The following THSD4 variants were observed in gnomAD, a reference collection of about 807,000 sequenced individuals.
THSD4 encodes thrombospondin type-1 domain-containing protein 4.
A neutral mutation model predicts 119.0 loss-of-function variants in THSD4; 69 were observed. The ratio of observed to expected loss-of-function variants is 0.58; its 90% confidence interval spans 0.48 to 0.71. The LOEUF (loss-of-function observed/expected upper bound fraction) is 0.71. Ranked by LOEUF, THSD4 falls within the 30% of genes least tolerant of loss-of-function variation. The pLI, the probability that THSD4 is intolerant of heterozygous loss-of-function variation, is 0.00. For missense variants in THSD4, 1,393 were observed against 1,391.1 expected, an observed-to-expected ratio of 1.00 and a Z score of -0.02; for synonymous variants, 524 against 540.4, an observed-to-expected ratio of 0.97 and a Z score of 0.42.
At position 71,115,737 on chromosome 15, in the gene THSD4, C is replaced by G. The variant is rs2040354245; in HGVS notation, c.-80+39C>G. ...CGCGCCCCGCGTCCCCTGCGCGCCG[C>G]CCGCGCGGCCCCGACCCGGCTTCCG... On this transcript the variant is annotated intron_variant, in intron 1 of 17. Coordinates refer to ENST00000261862, the MANE Select transcript of THSD4 (RefSeq NM_024817.3). This position sits in a 1 kb window ranked among gnomAD's most constrained non-coding sequence, Gnocchi z 4.4. 6.8e-6 allele frequency: 1 copy of G among 148,016 alleles called. No homozygotes were observed. Among genetic ancestry groups the G allele is most frequent in the Non-Finnish European group, 1.5e-5 (1 of 66,458 alleles). The allele number at this position is 148,016 out of a possible 1,614,324, so 9.2% of individuals were successfully genotyped here.
At chr15:71,504,039 G>T (rs533307322) in intron 7 of THSD4, among the ~76,000 whole-genome samples, 43 of 152,312 alleles carry the variant, frequency 2.8e-4, no homozygotes, top group African/African-American at 1.0e-3. Context: ...GCATAGCATG[G>T]TCCTAGCTTG....
intron 8 of THSD4, among the ~76,000 whole-genome samples, chr15:71,686,573 T>C (rs2051914624): frequency 6.6e-6 from 1 of 152,134 alleles, no homozygotes; most frequent in Admixed American, 6.5e-5. Flanking sequence ...AGTAATGACA[T>C]GACGTTTCAC....
chr15:71,592,675 T>A (rs1056496941), intron 7 of THSD4, among the ~76,000 whole-genome samples: 1 of 152,034 alleles, frequency 6.6e-6, no homozygotes, highest in African/African-American at 2.4e-5. Context: ...AGAATGCATT[T>A]TGTGGGAAAA....
chr15:71,768,277 C>CAAAAAAAAACA (rs2053750294), intron 16 of THSD4, among the ~76,000 whole-genome samples: 5 of 49,334 alleles, frequency 1.0e-4, no homozygotes, highest in African/African-American at 2.0e-4. Context: ...CAAAAAAAAC[C>CAAAAAAAAACA]AAAAAAAAAC....
chr15:71,710,392 G>A (rs2052485556), intron 8 of THSD4, among the ~76,000 whole-genome samples: 1 of 152,164 alleles, frequency 6.6e-6, no homozygotes, highest in Admixed American at 6.5e-5. Flanking sequence ...TCTGTAGTTG[G>A]AATCTTGATT....
chr15:71,396,602 G>A (rs1033733649), intron 6 of THSD4, among the ~76,000 whole-genome samples: 18 of 152,070 alleles, frequency 1.2e-4, no homozygotes, highest in Admixed American at 1.0e-3. Flanking sequence ...ACATATATCC[G>A]CTCAGATAGT....
rs772703547 is a variant in THSD4 at position 71,754,240 on chromosome 15, C to G, written c.2416-3662C>G. On this transcript the variant is annotated intron_variant, in intron 14 of 17. Coordinates refer to ENST00000261862, the MANE Select transcript of THSD4 (RefSeq NM_024817.3). Reference sequence around the variant, plus strand: ...AAGTAGCTGGAATTACAGGTGCACACCATCATGCCCAGTTAATTTTTGTAT... The same window carrying G: ...AAGTAGCTGGAATTACAGGTGCACAGCATCATGCCCAGTTAATTTTTGTAT... Among the ~76,000 whole-genome samples the G allele has an allele frequency of 3.8e-4, 58 of 152,142 alleles. 1 individual carries two copies. The highest frequency in any genetic ancestry group is 1.2e-3 in the South Asian group (6 of 4,818).
intron 1 of THSD4, among the ~76,000 whole-genome samples, chr15:71,130,961 G>A (rs1857744845): frequency 6.6e-6 from 1 of 151,844 alleles, no homozygotes; most frequent in Admixed American, 6.6e-5. Flanking sequence ...AGCCAGGATG[G>A]TCTCAATCTC....
chr15:71,662,970 C>T (rs911045812), intron 8 of THSD4, among the ~76,000 whole-genome samples: 5 of 151,882 alleles, frequency 3.3e-5, no homozygotes, highest in Non-Finnish European at 5.9e-5. Flanking sequence ...CAGTGAGGGG[C>T]GGGCAGGGAG....
intron 7 of THSD4, chr15:71,547,138 T>A: frequency 8.7e-7 from 1 of 1,146,106 alleles, no homozygotes. Flanking sequence ...CTTTCTGCTT[T>A]CTGTTAAAGG....
At chr15:71,699,238 A>G (rs1595873652) in intron 8 of THSD4, among the ~76,000 whole-genome samples, 2 of 84,652 alleles carry the variant, frequency 2.4e-5, no homozygotes, top group Non-Finnish European at 2.0e-5. Flanking sequence ...TTTGAGACGG[A>G]GTCTCGCTCT....
chr15:71,386,790 T>C (rs1236129307), intron 6 of THSD4, among the ~76,000 whole-genome samples: 1 of 152,192 alleles, frequency 6.6e-6, no homozygotes, highest in Non-Finnish European at 1.5e-5. Context: ...AAAGAAACTT[T>C]AAGTGTTACC....
chr15:71,333,545 T>C (rs929583064), intron 6 of THSD4, among the ~76,000 whole-genome samples: 1 of 152,194 alleles, frequency 6.6e-6, no homozygotes, highest in African/African-American at 2.4e-5. Context: ...GCATCTATAA[T>C]TTTGGAGATT....
rs566999146 is a variant in THSD4, at chr15:71,780,896, T to C, written c.*3522T>C. On this transcript the variant is annotated 3_prime_UTR_variant, in exon 18 of 18. Coordinates refer to ENST00000261862, the MANE Select transcript of THSD4 (RefSeq NM_024817.3). ...AGCTTGGTGTATTTTCATCAAGTTATGTGGCAGAGAAATCCAGATATTACC... is the reference window on the plus strand; with the variant it reads ...AGCTTGGTGTATTTTCATCAAGTTACGTGGCAGAGAAATCCAGATATTACC... 5 of 428,462 alleles carry C rather than the reference T, an allele frequency of 1.2e-5. No individual in the cohort carries two copies. Among genetic ancestry groups the C allele is most frequent in the South Asian group, 8.1e-5 (5 of 61,358 alleles). 26.5% of individuals were successfully genotyped at this position (428,462 alleles called of 1,614,324 possible).
At chr15:71,525,087 G>A (rs1157568383) in intron 7 of THSD4, among the ~76,000 whole-genome samples, 1 of 151,638 alleles carries the variant, frequency 6.6e-6, no homozygotes, top group Non-Finnish European at 1.5e-5. Context: ...GAGAAATGTA[G>A]CCATCAATTT....
At chr15:71,313,663 A>G (rs1215914368) in intron 6 of THSD4, among the ~76,000 whole-genome samples, 2 of 151,960 alleles carry the variant, frequency 1.3e-5, no homozygotes, top group African/African-American at 2.4e-5. Context: ...AGGGAAGGAG[A>G]GACTCTTTTC....
At chr15:71,337,597 A>G (rs991535918) in intron 6 of THSD4, among the ~76,000 whole-genome samples, 7 of 152,216 alleles carry the variant, frequency 4.6e-5, no homozygotes, top group African/African-American at 1.4e-4. Context: ...AGAGGCTTGG[A>G]CATTCTGGCC....
At chr15:71,707,966 T>G (rs1462602255) in intron 8 of THSD4, among the ~76,000 whole-genome samples, 1 of 152,224 alleles carries the variant, frequency 6.6e-6, no homozygotes, top group Non-Finnish European at 1.5e-5. Context: ...AAATCCAGTT[T>G]GCTCTGGTTT....
chr15:71,778,145 C>T lies in THSD4; in HGVS notation c.*771C>T, dbSNP rs1225948343. The T allele has an allele frequency of 2.0e-5, 3 of 152,212 alleles. No homozygotes were observed. The highest frequency in any genetic ancestry group is 2.9e-5 in the Non-Finnish European group (2 of 68,064). 9.4% of individuals were successfully genotyped at this position (152,212 alleles called of 1,614,324 possible). A position where few individuals can be genotyped will look rare whatever the true frequency, so the allele number is the denominator to read the frequency against. Reference sequence around the variant, plus strand: ...CATCTACCAGTATCCAGCCTGGGGCCTGTACTTAGATGTGAAAGGTGCTGC... The same window carrying T: ...CATCTACCAGTATCCAGCCTGGGGCTTGTACTTAGATGTGAAAGGTGCTGC... On this transcript the variant is annotated 3_prime_UTR_variant, in exon 18 of 18. Coordinates refer to ENST00000261862, the MANE Select transcript of THSD4 (RefSeq NM_024817.3).
Sources: allele counts gnomAD v4.1 joint callset (sites outside exome capture counted in the v4.1 genomes callset), GRCh38; gene constraint gnomAD v4.1.1; non-coding constraint Gnocchi (gnomAD v3.1); transcripts MANE v1.5; gene names NCBI Gene and HGNC (gene_info 2026-07-23, HGNC 2026-07-21).